The following RUNX1 variants were observed in gnomAD, a reference collection of about 807,000 sequenced individuals.
RUNX1 encodes runt-related transcription factor 1.
In RUNX1, 19 loss-of-function variants were observed where a neutral mutation model predicts 42.8. That is an observed-to-expected ratio of 0.44 (90% CI 0.31 to 0.65). RUNX1 has a LOEUF of 0.65. RUNX1 is among the 30% of genes least tolerant of loss of function. The pLI, the probability that RUNX1 is intolerant of heterozygous loss-of-function variation, is 0.07. For synonymous variants in RUNX1, 271 were observed against 289.4 expected (o/e 0.94, Z 0.64); for missense variants, 528 against 672.0 (o/e 0.79, Z 2.37).
intron 2 of RUNX1, among the ~76,000 whole-genome samples, chr21:34,939,980 G>A (rs991266547): frequency 7.2e-5 from 11 of 151,950 alleles, no homozygotes; most frequent in South Asian, 2.1e-4. Flanking sequence ...ATCAACAGCC[G>A]CCACCCATTT....
chr21:34,859,285 G>T, intron 6 of RUNX1, 189 bp downstream of exon 6: 2 of 622,448 alleles, frequency 3.2e-6, no homozygotes. Flanking sequence ...TTCAAAAAGA[G>T]CTCAGTGCAC....
rs1168141967 is a variant in RUNX1, at chr21:34,791,969, C to G, written c.*166G>C. 1 of 434,808 alleles carries G rather than the reference C, an allele frequency of 2.3e-6. No homozygotes were observed. The highest frequency in any genetic ancestry group is 4.2e-6 in the Non-Finnish European group (1 of 240,586). 26.9% of individuals were successfully genotyped at this position (434,808 alleles called of 1,614,324 possible). On this transcript the variant is annotated 3_prime_UTR_variant, in exon 9 of 9. Transcript: ENST00000675419. Reference sequence around the variant, plus strand: ...GGGCTTCTGGGCGCAGGAGGCTGCGCGGGCCTGACCTACAGCGAGATCCTG... The same window carrying G: ...GGGCTTCTGGGCGCAGGAGGCTGCGGGGGCCTGACCTACAGCGAGATCCTG...
intron 4 of RUNX1, 76 bp from the exon 5 acceptor site, chr21:34,880,789 T>C: frequency 7.0e-7 from 1 of 1,426,868 alleles, no homozygotes; most frequent in Non-Finnish European, 9.8e-7. Context: ...GTGTAGTGAT[T>C]ATTCTAAAAT....
intron 2 of RUNX1, among the ~76,000 whole-genome samples, chr21:34,915,975 G>A (rs1034366550): frequency 3.9e-5 from 6 of 152,144 alleles, no homozygotes; most frequent in African/African-American, 1.4e-4. Context: ...GATCCAAGCA[G>A]ATTCAGTAAT....
intron 2 of RUNX1, among the ~76,000 whole-genome samples, chr21:34,954,783 T>C (rs974108529): frequency 6.6e-6 from 1 of 152,106 alleles, no homozygotes; most frequent in Non-Finnish European, 1.5e-5. Context: ...GTGGAAGAGA[T>C]TCTCGCAGAG....
In RUNX1 at chr21:34,859,775, A is replaced by G. The variant is rs55961764; in HGVS notation, c.509-197T>C. On this transcript the variant is annotated intron_variant, in intron 5 of 8. Coordinates refer to ENST00000675419, the MANE Select transcript of RUNX1 (RefSeq NM_001754.5). ...GTTGCCTAAGTGTAACACTTCACAT[A>G]GTTATATGGCTTTAATGTAATCATC... 9.5e-3 allele frequency among the ~76,000 whole-genome samples: 1,445 copies of G among 152,338 alleles called. 17 individuals carry two copies. The highest frequency in any genetic ancestry group is 0.017 in the Middle Eastern group (5 of 294).
intron 2 of RUNX1, among the ~76,000 whole-genome samples, chr21:34,995,435 C>CT (rs5843694): frequency 0.39 from 32,435 of 82,354 alleles, 7,594 homozygotes; most frequent in East Asian, 0.65. Flanking sequence ...TTTCTGGGAG[C>CT]TTTTTTTTTT....
chr21:34,976,442 G>C (rs1391375237), intron 2 of RUNX1, among the ~76,000 whole-genome samples: 1 of 152,162 alleles, frequency 6.6e-6, no homozygotes, highest in Non-Finnish European at 1.5e-5. Flanking sequence ...GAGCTTTGGA[G>C]GTCCACAAGT....
intron 5 of RUNX1, among the ~76,000 whole-genome samples, chr21:34,860,530 CGTGTGTGT>C (rs34768937): frequency 6.7e-6 from 1 of 149,538 alleles, no homozygotes; most frequent in African/African-American, 2.4e-5. Flanking sequence ...TGTGTCTGTG[CGTGTGTGT>C]GTGTGTGTGT....
chr21:34,849,257 TATATATATATA>T (rs1325395962), intron 6 of RUNX1, among the ~76,000 whole-genome samples: 8 of 74,342 alleles, frequency 1.1e-4, no homozygotes, highest in African/African-American at 2.0e-4. Flanking sequence ...TGGGTACATA[TATATATATATA>T]ATATATATAT....
In RUNX1 at chr21:34,886,990, G is replaced by C. The variant is rs746342521; in HGVS notation, c.204C>G (p.Ala68=). ...TGCGGTCGCCGCTCCTCAGCTTGCC[G>C]GCCAGGGCAGCGCCGGCGTCCGGGG... is the stretch of plus-strand genomic sequence containing the variant. ...LGAPDAGAAL[A]GKLRSGDRSM... The change falls in exon 4 of 9, where the codon GCC becomes GCG. Residue 68 remains alanine, a synonymous_variant. Coordinates refer to ENST00000675419, the MANE Select transcript of RUNX1 (RefSeq NM_001754.5). 1.4e-5 allele frequency: 23 copies of C among 1,606,568 alleles called. No individual in the cohort carries two copies. The South Asian group carries it at 2.4e-4, about 17-fold the overall frequency.
chr21:34,876,806 A>C (rs2146337195), intron 5 of RUNX1, among the ~76,000 whole-genome samples: 1 of 152,336 alleles, frequency 6.6e-6, no homozygotes. Context: ...TGACTGATTA[A>C]ATACTCCAAC....
At chr21:35,000,365 T>C (rs999984110) in intron 2 of RUNX1, among the ~76,000 whole-genome samples, 1 of 150,824 alleles carries the variant, frequency 6.6e-6, no homozygotes, top group Non-Finnish European at 1.5e-5. Context: ...CTCAGCCTCC[T>C]GAGTAGCTGG....
intron 2 of RUNX1, among the ~76,000 whole-genome samples, chr21:34,939,596 T>G (rs1191054894): frequency 6.6e-6 from 1 of 152,114 alleles, no homozygotes; most frequent in Admixed American, 6.5e-5. Flanking sequence ...CACTAGCACT[T>G]AGGCCCCAGG....
intron 6 of RUNX1, among the ~76,000 whole-genome samples, chr21:34,853,432 T>A (rs890964875): frequency 4.6e-5 from 7 of 152,176 alleles, no homozygotes; most frequent in Admixed American, 2.6e-4. Context: ...GGAATTACAT[T>A]ACCATGAAGC....
At chr21:34,974,601 T>A (rs1262323983) in intron 2 of RUNX1, among the ~76,000 whole-genome samples, 1 of 152,130 alleles carries the variant, frequency 6.6e-6, no homozygotes, top group Non-Finnish European at 1.5e-5. Context: ...TAAAATGAAG[T>A]TGACATGAAA....
At chr21:34,829,089 T>C (rs2057029180) in intron 7 of RUNX1, among the ~76,000 whole-genome samples, 1 of 152,194 alleles carries the variant, frequency 6.6e-6, no homozygotes, top group Non-Finnish European at 1.5e-5. Flanking sequence ...AAAGGTTAAG[T>C]AACTTGCCAA....
In RUNX1 at chr21:34,789,357, T is replaced by C. The variant is rs887593924; in HGVS notation, c.*2778A>G. 1 of 233,552 alleles carries C rather than the reference T, an allele frequency of 4.3e-6. No homozygotes were observed. The highest frequency in any genetic ancestry group is 8.5e-6 in the Non-Finnish European group (1 of 118,096). The allele number at this position is 233,552 out of a possible 1,614,324, so 14.5% of individuals were successfully genotyped here. A position where few individuals can be genotyped will look rare whatever the true frequency, so the allele number is the denominator to read the frequency against. On this transcript the variant is annotated 3_prime_UTR_variant, in exon 9 of 9. Transcript: ENST00000675419. ...TGGGGGGAAGAGAGGGAGGGAAATG[T>C]ATTTTCAGATAGTGAGAAAAAGAAA...
chr21:34,890,604 C>A (rs979028107), intron 3 of RUNX1, among the ~76,000 whole-genome samples: 24 of 152,316 alleles, frequency 1.6e-4, no homozygotes, highest in African/African-American at 5.8e-4. Context: ...GCCTCCGCTC[C>A]CCCTGGGCAC....
Sources: gnomAD v4.1 joint callset for allele counts (sites outside exome capture counted in the v4.1 genomes callset) on GRCh38, gnomAD v4.1.1 for gene constraint, MANE v1.5 for transcripts, NCBI Gene and HGNC (gene_info 2026-07-23, HGNC 2026-07-21) for gene names.